Variants in ENOPH1 observed in about 807,000 individuals in gnomAD.
ENOPH1 encodes the protein enolase-phosphatase 1.
ENOPH1 carries 14 observed loss-of-function variants against 31.1 expected under a neutral mutation model. The observed-to-expected ratio is 0.45, with a 90% CI of 0.30 to 0.70. The LOEUF is 0.70. ENOPH1 is among the 30% of genes least tolerant of loss of function. ENOPH1 has a pLI of 0.09. For missense variants in ENOPH1, 243 were observed against 321.5 expected (o/e 0.76, Z 1.87); for synonymous variants, 127 against 123.2 (o/e 1.03, Z -0.21).
chr4:82,455,149 C>T (rs116079240), intron 4 of ENOPH1, among the ~76,000 whole-genome samples: 2,184 of 152,226 alleles, frequency 0.014, 30 homozygotes, highest in Non-Finnish European at 0.025. Flanking sequence ...GAACAAGGTG[C>T]ACTCATTTGT....
chr4:82,443,653 A>G (rs1722100749), intron 1 of ENOPH1, among the ~76,000 whole-genome samples: 1 of 148,492 alleles, frequency 6.7e-6, no homozygotes, highest in African/African-American at 2.5e-5. Flanking sequence ...GCATGAACCC[A>G]GCAGGTGGAG....
At position 82,443,105 on chromosome 4, in the gene ENOPH1, G is replaced by A. The variant is rs146767445; in HGVS notation, c.85-4815G>A. On this transcript the variant is annotated intron_variant, in intron 1 of 5. Transcript: ENST00000273920. ...ACAGGCGGAGCCACCGCGCCCGGGC[G>A]TATGTCTCTATTAATGTTAGAGAAT... Among the ~76,000 whole-genome samples, 261 of 152,062 alleles carry A rather than the reference G, an allele frequency of 1.7e-3. 2 individuals are homozygous for A. The highest frequency in any genetic ancestry group is 6.8e-3 in the Middle Eastern group (2 of 294).
intron 4 of ENOPH1, among the ~76,000 whole-genome samples, 200 bp from the exon 5 acceptor site, chr4:82,456,715 T>C (rs1311653314): frequency 6.6e-6 from 1 of 152,234 alleles, no homozygotes; most frequent in Non-Finnish European, 1.5e-5. Context: ...GTTGAGCTGG[T>C]AGTTTTCTTC....
chr4:82,442,568 T>TA (rs1722069143), intron 1 of ENOPH1, among the ~76,000 whole-genome samples: 1 of 151,950 alleles, frequency 6.6e-6, no homozygotes, highest in African/African-American at 2.4e-5. Flanking sequence ...ATTTTTTTTT[T>TA]AACACTTAGT....
rs1722614287 is a variant in ENOPH1, at chr4:82,460,327, T to C, written c.*207T>C. 1 of 461,302 alleles carries C rather than the reference T, an allele frequency of 2.2e-6. No homozygotes were observed. Among genetic ancestry groups the C allele is most frequent in the Non-Finnish European group, 3.8e-6 (1 of 263,896 alleles). 28.6% of individuals were successfully genotyped at this position (461,302 alleles called of 1,614,324 possible). Reference sequence around the variant, plus strand: ...AGTGAACACAAAACTTATTTAAAGATGCTTTATATGTAGAAATTGTTTCAA... The same window carrying C: ...AGTGAACACAAAACTTATTTAAAGACGCTTTATATGTAGAAATTGTTTCAA... On this transcript the variant is annotated 3_prime_UTR_variant, in exon 6 of 6. Transcript: ENST00000273920.
At chr4:82,445,930 C>T (rs35707480) in intron 1 of ENOPH1, among the ~76,000 whole-genome samples, 13,815 of 152,182 alleles carry the variant, frequency 0.091, 675 homozygotes, top group African/African-American at 0.12. Context: ...AAACCTTGCA[C>T]CTTTTATTTC....
intron 4 of ENOPH1, among the ~76,000 whole-genome samples, chr4:82,456,015 A>C (rs1395192500): frequency 6.6e-6 from 1 of 151,918 alleles, no homozygotes; most frequent in East Asian, 1.9e-4. Context: ...TAATAATGAA[A>C]CCCTTTAATC....
Position 82,456,898 on chromosome 4 carries a change from C to A in ENOPH1, c.523-17C>A. ...AGTGTATTTGTATTGCCAGTCTTTCCCCTTCTCTTTGTTCAGCTTGTTGAT... is the reference window on the plus strand; with the variant it reads ...AGTGTATTTGTATTGCCAGTCTTTCACCTTCTCTTTGTTCAGCTTGTTGAT... On this transcript the variant is annotated splice_polypyrimidine_tract_variant and intron_variant, in intron 4 of 5. Coordinates refer to ENST00000273920, the MANE Select transcript of ENOPH1 (RefSeq NM_021204.5). 1 of 1,612,114 alleles carries A rather than the reference C, an allele frequency of 6.2e-7. No homozygotes were observed. Among genetic ancestry groups the A allele is most frequent in the Non-Finnish European group, 8.5e-7 (1 of 1,179,006 alleles).
At chr4:82,439,567 T>C (rs1721990753) in intron 1 of ENOPH1, among the ~76,000 whole-genome samples, 1 of 152,208 alleles carries the variant, frequency 6.6e-6, no homozygotes, top group African/African-American at 2.4e-5. Context: ...TCCAGGCATC[T>C]GACTCTATAA....
rs966882714 is a variant in ENOPH1 at position 82,430,611 on chromosome 4, C to T, written c.-219C>T. 7.2e-6 allele frequency: 4 copies of T among 557,572 alleles called. No homozygotes were observed. The highest frequency in any genetic ancestry group is 6.2e-5 in the Admixed American group (2 of 32,152). 34.5% of individuals were successfully genotyped at this position (557,572 alleles called of 1,614,324 possible). On this transcript the variant is annotated 5_prime_UTR_variant, in exon 1 of 6. Coordinates refer to ENST00000273920, the MANE Select transcript of ENOPH1 (RefSeq NM_021204.5). ...CGTGGTCTCGGGCTCCTGCCCCGTC[C>T]TGCTCACGAGTTCAGGGCTCCTGGG... is the stretch of plus-strand genomic sequence containing the variant.
intron 1 of ENOPH1, among the ~76,000 whole-genome samples, chr4:82,434,650 G>A (rs1302363644): frequency 1.3e-5 from 2 of 152,156 alleles, no homozygotes; most frequent in East Asian, 1.9e-4. Flanking sequence ...GGAGGTGGAG[G>A]TTGCAGTGAG....
chr4:82,452,504 C>G (rs968357738), intron 3 of ENOPH1, among the ~76,000 whole-genome samples: 4 of 152,060 alleles, frequency 2.6e-5, no homozygotes, highest in Non-Finnish European at 1.5e-5. Context: ...ATTGGCCAGG[C>G]TGGTCTTGAA....
At chr4:82,447,832 C>T (rs987905325) in intron 1 of ENOPH1, 88 bp from the exon 2 acceptor site, 2 of 672,094 alleles carry the variant, frequency 3.0e-6, no homozygotes, top group Non-Finnish European at 2.4e-6. Context: ...TTATTTGTTA[C>T]AGTTATGTAG....
intron 1 of ENOPH1, among the ~76,000 whole-genome samples, chr4:82,431,942 C>G (rs1206576926): frequency 6.7e-6 from 1 of 149,100 alleles, no homozygotes; most frequent in African/African-American, 2.5e-5. Context: ...TTGAGAGTCT[C>G]ACTCTGTTCC....
chr4:82,456,860 T>A, intron 4 of ENOPH1, 55 bp from the exon 5 acceptor site: 6 of 1,595,868 alleles, frequency 3.8e-6, no homozygotes, highest in Non-Finnish European at 5.1e-6. Context: ...GAGAAAGGCA[T>A]GAGGGGCATG....
intron 1 of ENOPH1, among the ~76,000 whole-genome samples, chr4:82,436,912 A>G (rs1721919854): frequency 6.6e-6 from 1 of 152,088 alleles, no homozygotes; most frequent in Non-Finnish European, 1.5e-5. Context: ...CATCATCATC[A>G]TCATCATCCT....
At chr4:82,433,499 A>T (rs955846427) in intron 1 of ENOPH1, among the ~76,000 whole-genome samples, 4 of 152,214 alleles carry the variant, frequency 2.6e-5, no homozygotes, top group African/African-American at 9.7e-5. Flanking sequence ...TATTGTTATT[A>T]ATATTGTTAA....
At chr4:82,449,013 C>A (rs1271373308) in intron 2 of ENOPH1, among the ~76,000 whole-genome samples, 1 of 145,592 alleles carries the variant, frequency 6.9e-6, no homozygotes, top group African/African-American at 2.6e-5. Context: ...AGCCGAGATC[C>A]CGCCACTGCA....
intron 1 of ENOPH1, among the ~76,000 whole-genome samples, chr4:82,444,394 TG>T (rs531489165): frequency 1.5e-3 from 235 of 152,270 alleles, no homozygotes; most frequent in Non-Finnish European, 2.8e-3. Flanking sequence ...GACTAATTTT[TG>T]TTTTTTTAGT....
Sources: gnomAD v4.1 joint callset for allele counts (sites outside exome capture counted in the v4.1 genomes callset) on GRCh38, gnomAD v4.1.1 for gene constraint, MANE v1.5 for transcripts, NCBI Gene and HGNC (gene_info 2026-07-23, HGNC 2026-07-21) for gene names.